ZMYM2: variants seen among roughly 807,000 people sequenced by gnomAD.
The protein encoded by ZMYM2 is zinc finger MYM-type protein 2.
In ZMYM2, 56 loss-of-function variants were observed where a neutral mutation model predicts 162.8. The ratio of observed to expected loss-of-function variants is 0.34; its 90% CI spans 0.28 to 0.43. The LOEUF (loss-of-function observed/expected upper bound fraction) is 0.43. ZMYM2 is among the 20% of genes least tolerant of loss of function. The pLI is 1.00. For missense variants in ZMYM2, 1,275 were observed against 1,621.8 expected (o/e 0.79, Z 3.67); for synonymous variants, 510 against 541.6 (o/e 0.94, Z 0.81).
chr13:19,869,835 T>C, the ZMYM2 span, among the ~76,000 whole-genome samples: 1 of 151,956 alleles, frequency 6.6e-6, no homozygotes, highest in Non-Finnish European at 1.5e-5. Flanking sequence ...TTAGTAGTGA[T>C]GGGAAAAAGA....
chr13:19,892,263 T>TTTTA, the ZMYM2 span, among the ~76,000 whole-genome samples: 76 of 151,440 alleles, frequency 5.0e-4, 2 homozygotes, highest in South Asian at 7.3e-3. Context: ...ATTTATTTAT[T>TTTTA]TTTATTTATT....
chr13:20,058,968 T>C, intron 15 of ZMYM2: 1 of 530,676 alleles, frequency 1.9e-6, no homozygotes, highest in Non-Finnish European at 3.5e-6. Flanking sequence ...TCCTTGGGGA[T>C]AAGACTACTA....
At chr13:19,880,898 G>GTT in the ZMYM2 span, among the ~76,000 whole-genome samples, 1,431 of 117,418 alleles carry the variant, frequency 0.012, 26 homozygotes, top group African/African-American at 0.041. Flanking sequence ...TTTGTTTTTT[G>GTT]TTTTTTTTTT....
chr13:20,070,085 T>C (rs1434891180), intron 21 of ZMYM2, among the ~76,000 whole-genome samples: 1 of 152,156 alleles, frequency 6.6e-6, no homozygotes, highest in Non-Finnish European at 1.5e-5. Flanking sequence ...TTTTGTTTGA[T>C]GCTGGCCACA....
At chr13:19,997,293 A>G (rs1950087770) in intron 3 of ZMYM2, among the ~76,000 whole-genome samples, 1 of 152,184 alleles carries the variant, frequency 6.6e-6, no homozygotes, top group African/African-American at 2.4e-5. Context: ...TAGGTCTATG[A>G]TGAAATATTT....
chr13:20,045,351 G>C (rs1954672620), intron 12 of ZMYM2, among the ~76,000 whole-genome samples: 1 of 152,250 alleles, frequency 6.6e-6, no homozygotes, highest in Admixed American at 6.5e-5. Flanking sequence ...AAGTAATTGA[G>C]ACTAAGAGGT....
chr13:19,951,334 G>C, the ZMYM2 span, among the ~76,000 whole-genome samples: 1 of 151,968 alleles, frequency 6.6e-6, no homozygotes, highest in Non-Finnish European at 1.5e-5. Flanking sequence ...TGTCTGATAA[G>C]AGGTTACTAT....
intron 16 of ZMYM2, among the ~76,000 whole-genome samples, chr13:20,060,561 C>G (rs557565567): frequency 1.3e-5 from 2 of 152,074 alleles, no homozygotes; most frequent in Non-Finnish European, 2.9e-5. Context: ...GCCTGTAATC[C>G]CAGCTGCTGG....
the ZMYM2 span, among the ~76,000 whole-genome samples, chr13:19,870,958 A>C: frequency 6.6e-6 from 1 of 152,268 alleles, no homozygotes; most frequent in South Asian, 2.1e-4. Flanking sequence ...AGTCATTAGA[A>C]GCAAGTCACT....
At chr13:20,076,284 G>C (rs1405203045) in intron 21 of ZMYM2, among the ~76,000 whole-genome samples, 3 of 150,256 alleles carry the variant, frequency 2.0e-5, no homozygotes, top group Non-Finnish European at 4.4e-5. Flanking sequence ...AAATTTTGCT[G>C]TTATAGACAG....
intron 12 of ZMYM2, among the ~76,000 whole-genome samples, chr13:20,049,612 C>T (rs1433164975): frequency 1.3e-5 from 2 of 152,066 alleles, no homozygotes; most frequent in African/African-American, 4.8e-5. Context: ...GCTTAGGGTA[C>T]AGGCTAAAGC....
intron 12 of ZMYM2, among the ~76,000 whole-genome samples, chr13:20,043,218 T>A (rs1954435549): frequency 6.6e-6 from 1 of 152,198 alleles, no homozygotes; most frequent in African/African-American, 2.4e-5. Context: ...AGCGCAGGTA[T>A]CCACTGTGCT....
In ZMYM2 at chr13:20,087,340, G is replaced by A; in HGVS notation, c.*1326G>A. 1 of 188,636 alleles carries A rather than the reference G, an allele frequency of 5.3e-6. No homozygotes were observed. Among genetic ancestry groups the A allele is most frequent in the East Asian group, 8.4e-5 (1 of 11,880 alleles). The allele number at this position is 188,636 out of a possible 1,614,324, so 11.7% of individuals were successfully genotyped here. On this transcript the variant is annotated 3_prime_UTR_variant, in exon 25 of 25. Coordinates refer to ENST00000610343, the MANE Select transcript of ZMYM2 (RefSeq NM_197968.4). Reference sequence around the variant, plus strand: ...TTCAGACCTTTTCTTTTAGAATAAGGAAACTTAAAATCTACTTTCTAAAGA... The same window carrying A: ...TTCAGACCTTTTCTTTTAGAATAAGAAAACTTAAAATCTACTTTCTAAAGA...
chr13:19,901,722 A>G, the ZMYM2 span, among the ~76,000 whole-genome samples: 1 of 152,068 alleles, frequency 6.6e-6, no homozygotes, highest in South Asian at 2.1e-4. Context: ...TGATCCACCC[A>G]CCTCGGCCTC....
intron 13 of ZMYM2, among the ~76,000 whole-genome samples, chr13:20,051,944 G>C (rs1055030650): frequency 1.9e-4 from 29 of 152,084 alleles, no homozygotes; most frequent in Non-Finnish European, 5.9e-5. Flanking sequence ...CGTATTGCTA[G>C]GGAGTAGGTT....
chr13:20,046,581 ATG>A lies in ZMYM2; in HGVS notation c.2293-4826_2293-4825del, dbSNP rs1249162923. Reference sequence around the variant, plus strand: ...AAAAAAAAAATATATATATATATATATGTGTGTGTGTGTGTGTGTGTGTGTGT... The same window carrying A: ...AAAAAAAAAATATATATATATATATATGTGTGTGTGTGTGTGTGTGTGTGT... On this transcript the variant is annotated intron_variant, in intron 12 of 24. Transcript: ENST00000610343. Among the ~76,000 whole-genome samples the A allele has an allele frequency of 5.1e-3, 596 of 117,452 alleles. 11 individuals carry two copies. Among genetic ancestry groups the A allele is most frequent in the African/African-American group, 0.013 (399 of 31,424 alleles). 77.1% of individuals were successfully genotyped at this position (117,452 alleles called of 152,430 possible). A position where few individuals can be genotyped will look rare whatever the true frequency, so the allele number is the denominator to read the frequency against.
the ZMYM2 span, among the ~76,000 whole-genome samples, chr13:19,893,375 T>C: frequency 6.6e-6 from 1 of 151,998 alleles, no homozygotes; most frequent in South Asian, 2.1e-4. Flanking sequence ...GTTAAATATA[T>C]GGACAAACAT....
intron 2 of ZMYM2, among the ~76,000 whole-genome samples, chr13:19,982,015 A>G (rs1054996412): frequency 6.6e-6 from 1 of 152,142 alleles, no homozygotes; most frequent in Non-Finnish European, 1.5e-5. Flanking sequence ...GAGCCTTCCA[A>G]TTTCCTGAAT....
At chr13:20,031,555 T>G (rs895327563) in intron 10 of ZMYM2, 120 bp downstream of exon 10, 1 of 650,310 alleles carries the variant, frequency 1.5e-6, no homozygotes, top group Non-Finnish European at 2.5e-6. Flanking sequence ...TTTCAGATTT[T>G]TTTTTATGAT....
Sources: gnomAD v4.1 joint callset for allele counts (sites outside exome capture counted in the v4.1 genomes callset) on GRCh38, gnomAD v4.1.1 for gene constraint, MANE v1.5 for transcripts, NCBI Gene and HGNC (gene_info 2026-07-23, HGNC 2026-07-21) for gene names.